Variants in FAM149A observed in about 807,000 individuals in gnomAD.
FAM149A encodes protein FAM149A.
A neutral mutation model predicts 78.2 loss-of-function variants in FAM149A; 71 were observed. The ratio of observed to expected loss-of-function variants is 0.91; its 90% CI spans 0.75 to 1.11. FAM149A has a LOEUF of 1.11. FAM149A is among the 50% of genes least tolerant of loss of function. The probability of loss-of-function intolerance (pLI) is 0.00; values close to 1 mark genes in which losing one functional copy is unlikely to be tolerated. For synonymous variants in FAM149A, 446 were observed against 410.5 expected (o/e 1.09, Z -1.04); for missense variants, 1,036 against 971.0 (o/e 1.07, Z -0.89).
At chr4:186,151,470 G>A (rs867476428) in intron 3 of FAM149A, among the ~76,000 whole-genome samples, 5 of 151,910 alleles carry the variant, frequency 3.3e-5, no homozygotes, top group Admixed American at 3.3e-4. Context: ...CTTTTCTGTG[G>A]TATCACCAGA....
intron 7 of FAM149A, among the ~76,000 whole-genome samples, chr4:186,156,676 A>T (rs1040193447): frequency 2.6e-5 from 4 of 151,774 alleles, no homozygotes; most frequent in Non-Finnish European, 4.4e-5. Flanking sequence ...GTAAAACTCC[A>T]TCTCAAAAAA....
At chr4:186,145,648 G>A (rs1371197698) in intron 1 of FAM149A, among the ~76,000 whole-genome samples, 2 of 152,100 alleles carry the variant, frequency 1.3e-5, no homozygotes, top group Admixed American at 6.6e-5. Flanking sequence ...ACCTCCATGC[G>A]CCAACAAATG....
chr4:186,136,423 C>A (rs1046567636), intron 1 of FAM149A, among the ~76,000 whole-genome samples: 3 of 152,096 alleles, frequency 2.0e-5, no homozygotes, highest in African/African-American at 7.2e-5. Flanking sequence ...TTCTCTGGTT[C>A]AAAGTAGTAT....
rs867055588 is a variant in FAM149A, at chr4:186,144,742, G to C, written c.567-4431G>C. The C allele has an allele frequency of 1.2e-6, 1 of 866,748 alleles. No homozygotes were observed. The highest frequency in any genetic ancestry group is 6.0e-4 in the Middle Eastern group (1 of 1,666). The allele number at this position is 866,748 out of a possible 1,614,324, so 53.7% of individuals were successfully genotyped here. On this transcript the variant is annotated intron_variant, in intron 1 of 13. Transcript: ENST00000389354. The surrounding 1 kb of genome is among the most constrained non-coding windows in gnomAD (Gnocchi z 4.2). ...TCGGCGCGGGGCCGGGGCCGGGGCC[G>C]GGGCCCGGAGCGGGGATGGGCGGGC...
intron 8 of FAM149A, among the ~76,000 whole-genome samples, chr4:186,159,481 A>G (rs924432023): frequency 6.6e-6 from 1 of 152,088 alleles, no homozygotes; most frequent in African/African-American, 2.4e-5. Context: ...AGGGGATAAG[A>G]AACTGGCAAC....
intron 1 of FAM149A, among the ~76,000 whole-genome samples, chr4:186,106,434 G>C (rs551407731): frequency 6.6e-6 from 1 of 152,228 alleles, no homozygotes; most frequent in East Asian, 1.9e-4. Flanking sequence ...AGCTATTCTT[G>C]AGTGGGTAAA....
Position 186,105,594 on chromosome 4 carries a change from A to G in FAM149A, c.518A>G (p.Asp173Gly). Residue 173 changes from aspartate to glycine, a missense_variant, in exon 1 of 14, where the codon GAC becomes GGC. By Grantham distance (94) the Asp-to-Gly change is moderately conservative (BLOSUM62 -1). This residue lies in a region of FAM149A where 316 missense variants were observed against 241.9 expected (regional missense o/e 1.31). Coordinates refer to ENST00000389354, the MANE Select transcript of FAM149A (RefSeq NM_001367768.3). ...AGAACCCTGTTCCTTACGCTGCCTG[A>G]CATCGGCGAGGAGGGGGCCTCGGAC... 9.5e-7 allele frequency: 1 copy of G among 1,054,962 alleles called. No homozygotes were observed. The highest frequency in any genetic ancestry group is 1.1e-4 in the East Asian group (1 of 8,986). The allele number at this position is 1,054,962 out of a possible 1,614,324, so 65.4% of individuals were successfully genotyped here. A position where few individuals can be genotyped will look rare whatever the true frequency, so the allele number is the denominator to read the frequency against.
chr4:186,138,336 A>G (rs2099324386), intron 1 of FAM149A, among the ~76,000 whole-genome samples: 1 of 152,170 alleles, frequency 6.6e-6, no homozygotes, highest in African/African-American at 2.4e-5. Context: ...TAAGTCCAAA[A>G]CCTGCAGAGG....
intron 1 of FAM149A, among the ~76,000 whole-genome samples, chr4:186,135,839 C>T (rs558222469): frequency 2.0e-5 from 3 of 152,248 alleles, no homozygotes; most frequent in East Asian, 1.9e-4. Context: ...TTGTTGACAG[C>T]GTGAGAGCTG....
chr4:186,150,630 A>G (rs1210262462), intron 3 of FAM149A, among the ~76,000 whole-genome samples: 7 of 141,806 alleles, frequency 4.9e-5, no homozygotes, highest in Non-Finnish European at 7.7e-5. Context: ...CGTGTTAGCC[A>G]GGATGGTCTC....
At chr4:186,109,166 T>C (rs1207996489) in intron 1 of FAM149A, 2 of 985,292 alleles carry the variant, frequency 2.0e-6, no homozygotes, top group Non-Finnish European at 2.4e-6. Flanking sequence ...CTCTTATTTG[T>C]TCTGCAAATG....
intron 2 of FAM149A, 115 bp from the exon 3 acceptor site, chr4:186,149,451 A>G: frequency 8.8e-7 from 1 of 1,140,546 alleles, no homozygotes; most frequent in Non-Finnish European, 1.1e-6. Flanking sequence ...ATACTGTGAA[A>G]TTAATAAATA....
intron 1 of FAM149A, among the ~76,000 whole-genome samples, chr4:186,113,113 G>A (rs377449156): frequency 0.14 from 15,612 of 109,072 alleles, 1,449 homozygotes; most frequent in Non-Finnish European, 0.2. Context: ...ACTTCTTCCT[G>A]GTTTAGTCTT....
At chr4:186,158,029 G>A (rs12504044) in intron 8 of FAM149A, 58,970 of 1,422,284 alleles carry the variant, frequency 0.041, 1,499 homozygotes, top group Admixed American at 0.083. Context: ...ACGGACCAGC[G>A]ATGGCATCTC....
chr4:186,136,310 TAAGTA>T (rs1345322936), intron 1 of FAM149A, among the ~76,000 whole-genome samples: 1 of 152,214 alleles, frequency 6.6e-6, no homozygotes, highest in African/African-American at 2.4e-5. Context: ...CACTTTATAC[TAAGTA>T]TAGTAAACAA....
intron 8 of FAM149A, chr4:186,160,693 CCACA>C (rs1734524665): frequency 1.6e-6 from 1 of 610,798 alleles, no homozygotes; most frequent in South Asian, 7.3e-5. Flanking sequence ...TTCACACATA[CCACA>C]CACACTACCA....
rs1347501139 is a variant in FAM149A, at chr4:186,105,474, C to G, written c.398C>G (p.Pro133Arg). The G allele has an allele frequency of 8.2e-7, 1 of 1,213,350 alleles. No individual in the cohort carries two copies. The highest frequency in any genetic ancestry group is 1.7e-5 in the African/African-American group (1 of 60,422). The allele number at this position is 1,213,350 out of a possible 1,614,324, so 75.2% of individuals were successfully genotyped here. A position where few individuals can be genotyped will look rare whatever the true frequency, so the allele number is the denominator to read the frequency against. ...GTCCCAGCGCGGCCGCCCTCGGGCC[C>G]CGGCGGGGTCTGGGCCGCGCTCCCC... Residue 133 changes from proline to arginine, a missense_variant, in exon 1 of 14, where the codon CCC becomes CGC. Pro to Arg is a moderately radical substitution (Grantham distance 103, BLOSUM62 -2). Coordinates refer to ENST00000389354, the MANE Select transcript of FAM149A (RefSeq NM_001367768.3).
At chr4:186,154,807 G>T (rs1399288431) in intron 6 of FAM149A, 169 bp downstream of exon 6, 63 of 985,228 alleles carry the variant, frequency 6.4e-5, no homozygotes, top group Non-Finnish European at 7.4e-5. Flanking sequence ...CCTAGCCAGC[G>T]GTGCACGTGC....
At chr4:186,118,818 A>G (rs1377167399) in intron 1 of FAM149A, among the ~76,000 whole-genome samples, 1 of 152,210 alleles carries the variant, frequency 6.6e-6, no homozygotes, top group East Asian at 1.9e-4. Context: ...TGCAGCCTCC[A>G]GCCAAGCACC....
Sources: gnomAD v4.1 joint callset for allele counts (sites outside exome capture counted in the v4.1 genomes callset) on GRCh38, gnomAD v4.1.1 for gene constraint, gnomAD v4.1.1 regional missense constraint, Gnocchi (gnomAD v3.1) non-coding constraint, MANE v1.5 for transcripts, NCBI Gene and HGNC (gene_info 2026-07-23, HGNC 2026-07-21) for gene names.